The following UBE2T variants were observed in gnomAD, a reference collection of about 807,000 sequenced individuals.
UBE2T encodes ubiquitin conjugating enzyme E2 T.
UBE2T carries 15 observed loss-of-function variants against 23.3 expected under a neutral mutation model. The observed-to-expected ratio is 0.64, with a 90% confidence interval of 0.43 to 0.99. The LOEUF is 0.99. Ranked by LOEUF, UBE2T falls within the 50% of genes least tolerant of loss-of-function variation. UBE2T has a pLI of 0.00. For missense variants in UBE2T, 197 were observed against 234.9 expected, an observed-to-expected ratio of 0.84 and a Z score of 1.05; for synonymous variants, 67 against 78.4, an observed-to-expected ratio of 0.85 and a Z score of 0.77.
intron 6 of UBE2T, among the ~76,000 whole-genome samples, chr1:202,332,170 T>A (rs1654766647): frequency 6.6e-6 from 1 of 152,230 alleles, no homozygotes; most frequent in African/African-American, 2.4e-5. Context: ...GCTATTTAAC[T>A]CAATCTGAAA....
At position 202,335,053 on chromosome 1, in the gene UBE2T, A is replaced by G. The variant is rs1008936621; in HGVS notation, c.115T>C (p.Leu39=). 1.2e-6 allele frequency: 2 copies of G among 1,609,294 alleles called. No homozygotes were observed. The highest frequency in any genetic ancestry group is 1.7e-6 in the Non-Finnish European group (2 of 1,177,532). Residue 39 remains leucine, a synonymous_variant, in exon 3 of 7, where the codon TTA becomes CTA. Transcript: ENST00000646651. This position sits in a 1 kb window ranked among gnomAD's most constrained non-coding sequence, Gnocchi z 4.0. ...TCATAAGGTGTGTTGGCTCCACCTAATATTTCTTAAAAGAAAAAAGAAAGA... is the reference window on the plus strand; with the variant it reads ...TCATAAGGTGTGTTGGCTCCACCTAGTATTTCTTAAAAGAAAAAAGAAAGA... ...DQMDDLRAQI[L]GGANTPYEKG...
At chr1:202,336,069 G>A (rs1654875892) in intron 1 of UBE2T, among the ~76,000 whole-genome samples, 1 of 151,934 alleles carries the variant, frequency 6.6e-6, no homozygotes, top group Non-Finnish European at 1.5e-5. Flanking sequence ...GCACCACCAT[G>A]CCCAGCTCAT....
chr1:202,336,486 TAAAG>T (rs1654887795), intron 1 of UBE2T, among the ~76,000 whole-genome samples: 1 of 152,102 alleles, frequency 6.6e-6, no homozygotes, highest in Non-Finnish European at 1.5e-5. Flanking sequence ...ATTTTTAAAA[TAAAG>T]AACTAAAAAT....
intron 6 of UBE2T, 114 bp from the exon 7 acceptor site, chr1:202,332,074 A>G (rs980633377): frequency 1.5e-6 from 2 of 1,311,600 alleles, no homozygotes; most frequent in African/African-American, 1.5e-5. Flanking sequence ...ATTTAAATAC[A>G]GTATTATGCA....
chr1:202,334,804 C>T (rs1410128945), intron 3 of UBE2T, among the ~76,000 whole-genome samples, 185 bp downstream of exon 3: 6 of 152,128 alleles, frequency 3.9e-5, no homozygotes, highest in Non-Finnish European at 7.4e-5. Flanking sequence ...GATGTGATCT[C>T]GCCCATTGTT....
Sources: allele counts gnomAD v4.1 joint callset (sites outside exome capture counted in the v4.1 genomes callset), GRCh38; gene constraint gnomAD v4.1.1; non-coding constraint Gnocchi (gnomAD v3.1); transcripts MANE v1.5; gene names NCBI Gene and HGNC (gene_info 2026-07-23, HGNC 2026-07-21).